Variants in RGS6 observed in about 807,000 individuals in gnomAD.
The protein encoded by RGS6 is regulator of G protein signaling 6.
A neutral mutation model predicts 78.5 loss-of-function variants in RGS6; 30 were observed. That is an observed-to-expected ratio of 0.38 (90% confidence interval 0.29 to 0.52). The LOEUF (loss-of-function observed/expected upper bound fraction) is 0.52. RGS6 is among the 20% of genes least tolerant of loss of function. The pLI is 0.85. For synonymous variants in RGS6, 206 were observed against 206.0 expected (o/e 1.00, Z 0.00); for missense variants, 495 against 609.7 (o/e 0.81, Z 1.98).
chr14:72,108,318 A>G (rs1005265206), intron 2 of RGS6, among the ~76,000 whole-genome samples: 2 of 151,984 alleles, frequency 1.3e-5, no homozygotes, highest in African/African-American at 4.8e-5. Flanking sequence ...TTTTTCTTAC[A>G]AGTCACATTC....
chr14:72,329,830 C>T (rs1473990972), intron 2 of RGS6, among the ~76,000 whole-genome samples: 1 of 152,148 alleles, frequency 6.6e-6, no homozygotes, highest in East Asian at 1.9e-4. Context: ...ACATGTGCAA[C>T]TGTCTCCTAG....
chr14:72,452,444 A>G (rs1597718482), intron 3 of RGS6, among the ~76,000 whole-genome samples: 1 of 152,228 alleles, frequency 6.6e-6, no homozygotes, highest in Non-Finnish European at 1.5e-5. Context: ...TGGGGGTCCC[A>G]CTGTGCAGGG....
At chr14:72,519,972 TTGG>T (rs1039559058) in intron 15 of RGS6, among the ~76,000 whole-genome samples, 1 of 152,160 alleles carries the variant, frequency 6.6e-6, no homozygotes, top group Non-Finnish European at 1.5e-5. Context: ...CTTTTAACAC[TTGG>T]AAAAGTGGAA....
At chr14:72,047,898 G>GT (rs869098348) in intron 2 of RGS6, among the ~76,000 whole-genome samples, 4,457 of 29,580 alleles carry the variant, frequency 0.15, 106 homozygotes, top group Non-Finnish European at 0.18. Context: ...GCTAATTTTT[G>GT]TTTTTTTTTT....
At position 72,120,891 on chromosome 14, in the gene RGS6, G is replaced by A. The variant is rs145624286; in HGVS notation, c.84+156016G>A. Among the ~76,000 whole-genome samples, 611 of 152,272 alleles carry A rather than the reference G, an allele frequency of 4.0e-3. 3 individuals are homozygous for A. Among genetic ancestry groups the A allele is most frequent in the Non-Finnish European group, 6.8e-3 (461 of 68,010 alleles). On this transcript the variant is annotated intron_variant, in intron 2 of 17. Transcript: ENST00000553525. ...CGGGATGGTTACATTTGTGTATTCC[G>A]TTGTCAAAACTCATCACGTGGAACA... is the stretch of plus-strand genomic sequence containing the variant.
intron 2 of RGS6, among the ~76,000 whole-genome samples, chr14:72,113,688 T>C (rs1462939510): frequency 6.6e-6 from 1 of 152,172 alleles, no homozygotes; most frequent in Non-Finnish European, 1.5e-5. Flanking sequence ...GTGGGGCAGC[T>C]GGGATGGCTC....
At position 72,400,170 on chromosome 14, in the gene RGS6, C is replaced by G. The variant is rs139923244; in HGVS notation, c.184+47976C>G. Among the ~76,000 whole-genome samples, 1,168 of 152,280 alleles carry G rather than the reference C, an allele frequency of 7.7e-3. 40 individuals are homozygous for G. Among genetic ancestry groups the G allele is most frequent in the East Asian group, 0.05 (260 of 5,184 alleles). The stretch of plus-strand genomic sequence containing the variant: ...GGGTTACCCACAAAGGGAAGCCCAT[C>G]AGACTAACAGCTGATCTCTTGGCAG... On this transcript the variant is annotated intron_variant, in intron 3 of 17. Transcript: ENST00000553525.
chr14:72,072,389 A>C (rs955006424), intron 2 of RGS6, among the ~76,000 whole-genome samples: 2 of 151,594 alleles, frequency 1.3e-5, no homozygotes, highest in African/African-American at 4.8e-5. Context: ...GCTCACTGCA[A>C]CCTCTGCCTC....
At chr14:72,186,004 A>G (rs568537532) in intron 2 of RGS6, among the ~76,000 whole-genome samples, 1 of 152,262 alleles carries the variant, frequency 6.6e-6, no homozygotes, top group Non-Finnish European at 1.5e-5. Flanking sequence ...TGATCCTCAA[A>G]ATAATCCTGT....
chr14:72,351,975 G>A (rs2079178775), intron 2 of RGS6, 120 bp from the exon 3 acceptor site: 2 of 699,168 alleles, frequency 2.9e-6, no homozygotes, highest in Non-Finnish European at 2.4e-6. Context: ...AACTAGATGG[G>A]AGCTTTTTGT....
intron 2 of RGS6, among the ~76,000 whole-genome samples, chr14:72,214,699 C>T (rs1157927924): frequency 6.6e-6 from 1 of 151,922 alleles, no homozygotes; most frequent in African/African-American, 2.4e-5. Context: ...TGTCACACAC[C>T]TGTGGTCTTA....
intron 2 of RGS6, among the ~76,000 whole-genome samples, chr14:72,062,533 G>A (rs2093944587): frequency 6.6e-6 from 1 of 152,268 alleles, no homozygotes; most frequent in Admixed American, 6.5e-5. Flanking sequence ...TTTGGACACA[G>A]TTGGCAAGTG....
chr14:71,956,959 T>C (rs767254146), intron 1 of RGS6, among the ~76,000 whole-genome samples: 5 of 152,208 alleles, frequency 3.3e-5, no homozygotes, highest in Non-Finnish European at 5.9e-5. Context: ...GTTTGAAGAT[T>C]GTTTGCAGTG....
chr14:71,981,546 G>C, intron 2 of RGS6, among the ~76,000 whole-genome samples: 1 of 148,136 alleles, frequency 6.8e-6, no homozygotes, highest in Non-Finnish European at 1.5e-5. Flanking sequence ...GCCCCTGCTG[G>C]GGGGTGCCTC....
intron 17 of RGS6, chr14:72,540,587 G>C (rs1262807536): frequency 2.6e-6 from 4 of 1,518,316 alleles, no homozygotes; most frequent in Non-Finnish European, 3.5e-6. Flanking sequence ...GGCTTTTGCT[G>C]TGTGCAGAAA....
chr14:72,173,204 G>T (rs1244003162), intron 2 of RGS6, among the ~76,000 whole-genome samples: 2 of 151,996 alleles, frequency 1.3e-5, no homozygotes, highest in Non-Finnish European at 2.9e-5. Context: ...GAAGGGTGCT[G>T]CTAGCATCTA....
intron 3 of RGS6, among the ~76,000 whole-genome samples, chr14:72,395,238 T>C (rs1017532793): frequency 4.6e-5 from 7 of 152,200 alleles, no homozygotes; most frequent in African/African-American, 7.2e-5. Context: ...AATCATTTTC[T>C]AAATCTCACC....
intron 2 of RGS6, among the ~76,000 whole-genome samples, chr14:72,084,960 C>T (rs535185485): frequency 6.6e-6 from 1 of 152,106 alleles, no homozygotes. Flanking sequence ...AGCTTCAATC[C>T]CCTGGCCACA....
intron 2 of RGS6, among the ~76,000 whole-genome samples, chr14:72,165,219 T>C (rs2096908115): frequency 6.6e-6 from 1 of 152,236 alleles, no homozygotes; most frequent in African/African-American, 2.4e-5. Context: ...AATGCGTATG[T>C]GCAGTGATTA....
Sources: allele counts gnomAD v4.1 joint callset (sites outside exome capture counted in the v4.1 genomes callset), GRCh38; gene constraint gnomAD v4.1.1; transcripts MANE v1.5; gene names NCBI Gene and HGNC (gene_info 2026-07-23, HGNC 2026-07-21).